SLC44A3: variants seen among roughly 807,000 people sequenced by gnomAD.
SLC44A3 encodes choline transporter-like protein 3.
A neutral mutation model predicts 75.4 loss-of-function variants in SLC44A3; 74 were observed. That is an observed-to-expected ratio of 0.98 (90% CI 0.81 to 1.19). The LOEUF is 1.19. SLC44A3 is among the 50% of genes most tolerant of loss of function. SLC44A3 has a pLI of 0.00. For missense variants in SLC44A3, 700 were observed against 778.6 expected, an observed-to-expected ratio of 0.90 and a Z score of 1.20; for synonymous variants, 310 against 296.9, an observed-to-expected ratio of 1.04 and a Z score of -0.45.
intron 12 of SLC44A3, among the ~76,000 whole-genome samples, chr1:94,886,383 A>G (rs859066): frequency 0.77 from 117,226 of 151,994 alleles, 45,804 homozygotes; most frequent in Non-Finnish European, 0.84. Flanking sequence ...CACACTCTGC[A>G]TCAGCCCCAC....
At chr1:94,840,157 T>A (rs917112631) in intron 7 of SLC44A3, 120 bp downstream of exon 7, 8 of 808,364 alleles carry the variant, frequency 9.9e-6, no homozygotes, top group African/African-American at 1.7e-5. Flanking sequence ...TATCTAGCCC[T>A]GTCACTTTAC....
chr1:94,876,804 A>G (rs1287045170), intron 12 of SLC44A3, among the ~76,000 whole-genome samples: 1 of 152,164 alleles, frequency 6.6e-6, no homozygotes, highest in African/African-American at 2.4e-5. Flanking sequence ...ATGCCACTGG[A>G]CGGGTGGAAA....
At chr1:94,839,538 G>A (rs1302836555) in intron 6 of SLC44A3, among the ~76,000 whole-genome samples, 1 of 152,020 alleles carries the variant, frequency 6.6e-6, no homozygotes, top group Non-Finnish European at 1.5e-5. Context: ...ACAGGTGCCC[G>A]CCACCATGCC....
intron 12 of SLC44A3, among the ~76,000 whole-genome samples, chr1:94,875,177 C>A (rs1420839185): frequency 2.0e-5 from 3 of 152,204 alleles, no homozygotes; most frequent in Admixed American, 2.0e-4. Context: ...GCTGCTCCCT[C>A]CAAATTTGCC....
chr1:94,859,820 G>A (rs1666360353), intron 10 of SLC44A3, among the ~76,000 whole-genome samples: 1 of 152,172 alleles, frequency 6.6e-6, no homozygotes, highest in African/African-American at 2.4e-5. Context: ...CTCCCAGAAT[G>A]TTGGCAGCTC....
intron 12 of SLC44A3, among the ~76,000 whole-genome samples, chr1:94,876,522 C>CCT (rs1354635509): frequency 6.6e-6 from 1 of 152,190 alleles, no homozygotes; most frequent in African/African-American, 2.4e-5. Context: ...GAAGTGATGA[C>CCT]TGGCCAGAGA....
intron 10 of SLC44A3, 133 bp downstream of exon 10, chr1:94,857,633 C>A: frequency 3.3e-6 from 3 of 918,052 alleles, no homozygotes; most frequent in Non-Finnish European, 3.1e-6. Flanking sequence ...AAAGAGTAAG[C>A]TAAAATTTGG....
At chr1:94,880,725 C>T (rs545024616) in intron 12 of SLC44A3, among the ~76,000 whole-genome samples, 5 of 152,028 alleles carry the variant, frequency 3.3e-5, no homozygotes, top group African/African-American at 9.6e-5. Flanking sequence ...GTAAAAAGGG[C>T]GCTGGGGGCT....
intron 12 of SLC44A3, among the ~76,000 whole-genome samples, chr1:94,881,127 A>T (rs1386194633): frequency 1.3e-5 from 2 of 152,172 alleles, no homozygotes; most frequent in Non-Finnish European, 2.9e-5. Context: ...GGTGGACCAA[A>T]CTATGTTACC....
intron 12 of SLC44A3, among the ~76,000 whole-genome samples, chr1:94,887,772 G>A (rs759544871): frequency 6.6e-6 from 1 of 152,160 alleles, no homozygotes; most frequent in East Asian, 1.9e-4. Context: ...AAGAGAGGAG[G>A]CAGAGACAGA....
At chr1:94,837,463 C>T (rs1662971760) in intron 5 of SLC44A3, among the ~76,000 whole-genome samples, 2 of 152,008 alleles carry the variant, frequency 1.3e-5, no homozygotes, top group African/African-American at 2.4e-5. Flanking sequence ...AAAAATGTTG[C>T]TCCCCAAGTT....
At chr1:94,825,227 AGAAATCCCT>A (rs1661150150) in intron 3 of SLC44A3, among the ~76,000 whole-genome samples, 1 of 152,372 alleles carries the variant, frequency 6.6e-6, no homozygotes, top group East Asian at 1.9e-4. Context: ...TAGAGGGGAG[AGAAATCCCT>A]GACCATGAAC....
chr1:94,880,849 A>G (rs1668880911), intron 12 of SLC44A3, among the ~76,000 whole-genome samples: 2 of 151,966 alleles, frequency 1.3e-5, no homozygotes, highest in Middle Eastern at 3.4e-3. Context: ...ACTGAACTCT[A>G]CAGTTAAAAG....
At chr1:94,828,672 G>A (rs1185990839) in intron 5 of SLC44A3, 86 bp downstream of exon 5, 10 of 1,226,908 alleles carry the variant, frequency 8.2e-6, no homozygotes, top group African/African-American at 1.5e-5. Flanking sequence ...AGGCATTGTG[G>A]GAAGGAGATA....
At chr1:94,865,724 ACTTGGTC>A (rs1667095119) in intron 11 of SLC44A3, among the ~76,000 whole-genome samples, 2 of 152,180 alleles carry the variant, frequency 1.3e-5, no homozygotes, top group Non-Finnish European at 2.9e-5. Flanking sequence ...AGAGTTGGTG[ACTTGGTC>A]AGTTTCACAA....
chr1:94,844,389 A>T (rs1664110452), intron 8 of SLC44A3, among the ~76,000 whole-genome samples: 1 of 152,208 alleles, frequency 6.6e-6, no homozygotes, highest in Non-Finnish European at 1.5e-5. Flanking sequence ...GTGAGGCTGG[A>T]GGTTTTTATT....
Position 94,845,348 on chromosome 1 carries a change from CAAAT to C in SLC44A3, c.960_963del (p.Asn320LysfsTer32). On this transcript the variant is annotated frameshift_variant, in exon 9 of 15. Transcript: ENST00000271227. LOFTEE classifies it high-confidence loss of function. Reference sequence around the variant, plus strand: ...TTGACAGTTGAGCTTTTCCAAATCACAAATAAAGCCATCAGCAGTGCTCCCTTCC... The same window carrying C: ...TTGACAGTTGAGCTTTTCCAAATCACAAAGCCATCAGCAGTGCTCCCTTCC... The C allele has an allele frequency of 6.2e-7, 1 of 1,613,934 alleles. No individual in the cohort carries two copies.
intron 13 of SLC44A3, among the ~76,000 whole-genome samples, chr1:94,891,820 G>A (rs959616866): frequency 3.3e-5 from 5 of 152,104 alleles, no homozygotes; most frequent in Non-Finnish European, 7.4e-5. Context: ...CTACTCAGGA[G>A]GCTGAGGCAG....
At chr1:94,861,727 T>C (rs1666600770) in intron 10 of SLC44A3, among the ~76,000 whole-genome samples, 1 of 152,230 alleles carries the variant, frequency 6.6e-6, no homozygotes, top group South Asian at 2.1e-4. Flanking sequence ...TTCATCTTTG[T>C]CATTCATTTA....
Sources: allele counts gnomAD v4.1 joint callset (sites outside exome capture counted in the v4.1 genomes callset), GRCh38; gene constraint gnomAD v4.1.1; transcripts MANE v1.5; gene names NCBI Gene and HGNC (gene_info 2026-07-23, HGNC 2026-07-21).